SLC38A4: variants seen among roughly 807,000 people sequenced by gnomAD.
SLC38A4 encodes the protein solute carrier family 38 member 4, also known as sodium-coupled neutral amino acid transporter 4.
In SLC38A4, 20 loss-of-function variants were observed where a neutral mutation model predicts 63.1. The observed-to-expected ratio is 0.32, with a 90% CI of 0.22 to 0.46. The LOEUF is 0.46. Among genes scored for constraint, SLC38A4 ranks in the 20% least tolerant of loss-of-function variants. SLC38A4 has a pLI of 1.00. For missense variants in SLC38A4, 526 were observed against 663.6 expected (o/e 0.79, Z 2.28); for synonymous variants, 230 against 225.5 (o/e 1.02, Z -0.18).
At chr12:46,783,546 G>A (rs943689462) in intron 7 of SLC38A4, among the ~76,000 whole-genome samples, 8 of 152,034 alleles carry the variant, frequency 5.3e-5, no homozygotes, top group African/African-American at 1.9e-4. Flanking sequence ...GCTATAAATG[G>A]TGATCATCTG....
chr12:46,766,201 C>T lies in SLC38A4; in HGVS notation c.*500G>A, dbSNP rs2120725515. Reference sequence around the variant, plus strand: ...TACCTTACAGAAACAGAAACAGTTCCTAAGACATGCCTTTTGCCTCTGTTA... The same window carrying T: ...TACCTTACAGAAACAGAAACAGTTCTTAAGACATGCCTTTTGCCTCTGTTA... On this transcript the variant is annotated 3_prime_UTR_variant, in exon 17 of 17. Transcript: ENST00000266579. 2 of 354,188 alleles carry T rather than the reference C, an allele frequency of 5.6e-6. No homozygotes were observed. Among genetic ancestry groups the T allele is most frequent in the Middle Eastern group, 2.0e-3 (2 of 986 alleles). 21.9% of individuals were successfully genotyped at this position (354,188 alleles called of 1,614,324 possible). A position where few individuals can be genotyped will look rare whatever the true frequency, so the allele number is the denominator to read the frequency against.
chr12:46,823,537 A>T (rs966472134), intron 1 of SLC38A4, among the ~76,000 whole-genome samples: 5 of 152,192 alleles, frequency 3.3e-5, no homozygotes, highest in African/African-American at 1.2e-4. Context: ...AAGATTTAGG[A>T]CAAGGAATAT....
chr12:46,784,077 A>G (rs1938706211), intron 7 of SLC38A4, among the ~76,000 whole-genome samples: 1 of 152,086 alleles, frequency 6.6e-6, no homozygotes, highest in African/African-American at 2.4e-5. Context: ...GTAAACTTCC[A>G]GAGACACTGT....
chr12:46,795,164 T>A (rs938231447), intron 2 of SLC38A4, among the ~76,000 whole-genome samples: 1 of 152,112 alleles, frequency 6.6e-6, no homozygotes, highest in Non-Finnish European at 1.5e-5. Flanking sequence ...CTTGGTTTAC[T>A]GATTTTAGAC....
chr12:46,779,744 A>T (rs1298526421), intron 9 of SLC38A4, 36 bp downstream of exon 9: 8 of 1,585,950 alleles, frequency 5.0e-6, no homozygotes, highest in Non-Finnish European at 6.9e-6. Flanking sequence ...ATGTGAAATA[A>T]AAATAAAAAT....
intron 14 of SLC38A4, among the ~76,000 whole-genome samples, chr12:46,770,469 G>A (rs1020490817): frequency 1.3e-5 from 2 of 152,000 alleles, no homozygotes; most frequent in African/African-American, 4.8e-5. Context: ...GCACACAGCA[G>A]GCACTGAATA....
chr12:46,774,687 T>C (rs1349751251), intron 14 of SLC38A4, among the ~76,000 whole-genome samples: 1 of 152,084 alleles, frequency 6.6e-6, no homozygotes, highest in African/African-American at 2.4e-5. Flanking sequence ...AAAACTGTGA[T>C]GAAATTTAAT....
In SLC38A4 at chr12:46,785,100, A is replaced by G; in HGVS notation, c.400+4T>C. Reference sequence around the variant, plus strand: ...GAATGTGTTGGACTCAAGTGGTAGCATACCTCCTTCCTTGGCTGTTTTTAA... The same window carrying G: ...GAATGTGTTGGACTCAAGTGGTAGCGTACCTCCTTCCTTGGCTGTTTTTAA... On this transcript the variant is annotated splice_donor_region_variant and intron_variant, in intron 6 of 16. Coordinates refer to ENST00000266579, the MANE Select transcript of SLC38A4 (RefSeq NM_018018.5). The G allele has an allele frequency of 1.2e-6, 2 of 1,608,246 alleles. No individual in the cohort carries two copies. The highest frequency in any genetic ancestry group is 1.7e-6 in the Non-Finnish European group (2 of 1,175,032).
At chr12:46,793,473 T>C (rs906056211) in intron 2 of SLC38A4, among the ~76,000 whole-genome samples, 1 of 152,066 alleles carries the variant, frequency 6.6e-6, no homozygotes, top group Non-Finnish European at 1.5e-5. Flanking sequence ...AAAAGAAATC[T>C]TAAGACATGG....
chr12:46,766,941 C>A, intron 16 of SLC38A4, 139 bp from the exon 17 acceptor site: 1 of 582,304 alleles, frequency 1.7e-6, no homozygotes, highest in South Asian at 2.4e-5. Context: ...CCAGGCCTAA[C>A]CTATCAGTCA....
At position 46,815,931 on chromosome 12, in the gene SLC38A4, A is replaced by G. The variant is rs539065834; in HGVS notation, c.-305+9972T>C. Among the ~76,000 whole-genome samples, 8 of 151,940 alleles carry G rather than the reference A, an allele frequency of 5.3e-5. No homozygotes were observed. The East Asian group carries it at 1.6e-3, about 30-fold the overall frequency. ...CTTGTGTTAACTTGTTAAGGAGTTA[A>G]CGTTTCATACATAGAAAGCCCTGAA... On this transcript the variant is annotated intron_variant, in intron 1 of 16. Coordinates refer to ENST00000266579, the MANE Select transcript of SLC38A4 (RefSeq NM_018018.5).
At chr12:46,801,050 A>T (rs1324530140) in intron 2 of SLC38A4, among the ~76,000 whole-genome samples, 1 of 152,174 alleles carries the variant, frequency 6.6e-6, no homozygotes, top group Non-Finnish European at 1.5e-5. Flanking sequence ...TAATACAAAG[A>T]GGTCTCGCAG....
chr12:46,771,226 T>C (rs1938409317), intron 14 of SLC38A4, among the ~76,000 whole-genome samples: 1 of 152,144 alleles, frequency 6.6e-6, no homozygotes, highest in Non-Finnish European at 1.5e-5. Context: ...GCTTATTCAA[T>C]ATTGTCAAAA....
chr12:46,821,276 G>A (rs1939541735), intron 1 of SLC38A4, among the ~76,000 whole-genome samples: 1 of 151,950 alleles, frequency 6.6e-6, no homozygotes, highest in African/African-American at 2.4e-5. Context: ...TTTATCCTAG[G>A]AGTTTTACAG....
intron 3 of SLC38A4, among the ~76,000 whole-genome samples, chr12:46,789,869 G>C (rs1938846824): frequency 6.6e-6 from 1 of 152,144 alleles, no homozygotes; most frequent in Non-Finnish European, 1.5e-5. Flanking sequence ...TTGAGGTCAG[G>C]AGTTCAAGAC....
At chr12:46,819,070 A>G (rs369983921) in intron 1 of SLC38A4, among the ~76,000 whole-genome samples, 11 of 152,046 alleles carry the variant, frequency 7.2e-5, no homozygotes, top group South Asian at 6.2e-4. Flanking sequence ...TGAAGAAGGC[A>G]GAATTTTGGA....
chr12:46,774,016 C>T (rs112864663), intron 14 of SLC38A4, among the ~76,000 whole-genome samples: 304 of 152,072 alleles, frequency 2.0e-3, no homozygotes, highest in African/African-American at 7.1e-3. Context: ...GTCTTGTACC[C>T]AAGACGGAGC....
intron 1 of SLC38A4, among the ~76,000 whole-genome samples, chr12:46,817,961 T>A (rs569856945): frequency 6.6e-6 from 1 of 151,956 alleles, no homozygotes; most frequent in Non-Finnish European, 1.5e-5. Context: ...GTGAATTGAG[T>A]AAACATAAAG....
chr12:46,784,932 C>T (rs1166859734), intron 6 of SLC38A4, among the ~76,000 whole-genome samples, 172 bp downstream of exon 6: 1 of 152,086 alleles, frequency 6.6e-6, no homozygotes, highest in Non-Finnish European at 1.5e-5. Flanking sequence ...ACTTTCACTC[C>T]TGCCTCTCAC....
Sources: allele counts gnomAD v4.1 joint callset (sites outside exome capture counted in the v4.1 genomes callset), GRCh38; gene constraint gnomAD v4.1.1; transcripts MANE v1.5; gene names NCBI Gene and HGNC (gene_info 2026-07-23, HGNC 2026-07-21).